The following BMP2K variants were observed in gnomAD, a reference collection of about 807,000 sequenced individuals.
The protein encoded by BMP2K is BMP-2-inducible protein kinase.
In BMP2K, 74 loss-of-function variants were observed where a neutral mutation model predicts 116.0. The observed-to-expected ratio is 0.64, with a 90% CI of 0.53 to 0.77. BMP2K has a LOEUF of 0.77. Among genes scored for constraint, BMP2K ranks in the 30% least tolerant of loss-of-function variants. The pLI is 0.00. For synonymous variants in BMP2K, 486 were observed against 502.5 expected, an observed-to-expected ratio of 0.97 and a Z score of 0.44; for missense variants, 1,365 against 1,403.6, an observed-to-expected ratio of 0.97 and a Z score of 0.44.
intron 14 of BMP2K, among the ~76,000 whole-genome samples, chr4:78,880,150 G>A (rs1577954087): frequency 1.3e-5 from 2 of 152,178 alleles, no homozygotes; most frequent in Non-Finnish European, 2.9e-5. Flanking sequence ...TCGGCTCACC[G>A]CAACCTCCGC....
At chr4:78,891,230 A>T (rs574620511) in intron 15 of BMP2K, among the ~76,000 whole-genome samples, 6 of 151,966 alleles carry the variant, frequency 3.9e-5, no homozygotes, top group African/African-American at 1.4e-4. Flanking sequence ...CTCTTTTCTG[A>T]TCCTTTATGT....
intron 1 of BMP2K, among the ~76,000 whole-genome samples, chr4:78,790,862 C>CAAT (rs1040761248): frequency 6.6e-6 from 1 of 151,880 alleles, no homozygotes; most frequent in South Asian, 2.1e-4. Flanking sequence ...GTCTAAATAA[C>CAAT]AATAATAATA....
rs779971698 is a variant in BMP2K at position 78,842,469 on chromosome 4, G to C, written c.488G>C (p.Cys163Ser). Residue 163 changes from cysteine to serine, a missense_variant, in exon 4 of 16, where the codon TGT becomes TCT. Cys to Ser is a moderately radical substitution (Grantham distance 112). This residue lies in a region of BMP2K where 762 missense variants were observed against 756.7 expected (regional missense o/e 1.01). Coordinates refer to ENST00000502613, the MANE Select transcript of BMP2K (RefSeq NM_198892.2). ...PEVLQIFCDTCEAVARLHQCK... is the reference protein window; with the variant it reads ...PEVLQIFCDTSEAVARLHQCK... ...GTGTTACAGATATTCTGTGATACCT[G>C]TGAAGCTGTTGCAAGGTTGCATCAG... is the stretch of plus-strand genomic sequence containing the variant. 3 of 1,608,874 alleles carry C rather than the reference G, an allele frequency of 1.9e-6. No homozygotes were observed. The highest frequency in any genetic ancestry group is 1.7e-4 in the Middle Eastern group (1 of 6,040).
At chr4:78,826,935 C>T (rs1729901371) in intron 2 of BMP2K, among the ~76,000 whole-genome samples, 1 of 152,114 alleles carries the variant, frequency 6.6e-6, no homozygotes, top group Non-Finnish European at 1.5e-5. Context: ...CAACTGTATC[C>T]CTGTATAGGC....
At chr4:78,886,961 G>A (rs1733127726) in intron 14 of BMP2K, among the ~76,000 whole-genome samples, 1 of 151,958 alleles carries the variant, frequency 6.6e-6, no homozygotes, top group East Asian at 1.9e-4. Flanking sequence ...AACCTATCAC[G>A]GATTATATTG....
intron 15 of BMP2K, among the ~76,000 whole-genome samples, chr4:78,907,737 C>T (rs1214859343): frequency 6.6e-6 from 1 of 152,088 alleles, no homozygotes; most frequent in Non-Finnish European, 1.5e-5. Flanking sequence ...ATTTCATAGA[C>T]TTGTTTGCTT....
intron 9 of BMP2K, among the ~76,000 whole-genome samples, chr4:78,862,812 G>A (rs1731859229): frequency 6.6e-6 from 1 of 152,076 alleles, no homozygotes; most frequent in Admixed American, 6.6e-5. Context: ...TTTGAGAAGA[G>A]GTGAAGGTGT....
rs1399175361 is a variant in BMP2K, at chr4:78,865,614, G to A, written c.1125G>A (p.Lys375=). The change falls in exon 10 of 16, where the codon AAG becomes AAA. Residue 375 remains lysine, a synonymous_variant. Coordinates refer to ENST00000502613, the MANE Select transcript of BMP2K (RefSeq NM_198892.2). The stretch of plus-strand genomic sequence containing the variant: ...CAATTGCACCAAGACAAAGACCAAA[G>A]GCCAACTCTGCTACTACTGCCACTC... ...ETSIAPRQRP[K]ANSATTATPS... 2 of 1,613,944 alleles carry A rather than the reference G, an allele frequency of 1.2e-6. No individual in the cohort carries two copies. Among genetic ancestry groups the A allele is most frequent in the African/African-American group, 2.7e-5 (2 of 74,884 alleles).
chr4:78,812,432 C>T (rs867956466), intron 1 of BMP2K, among the ~76,000 whole-genome samples: 34 of 152,292 alleles, frequency 2.2e-4, no homozygotes, highest in Middle Eastern at 3.4e-3. Flanking sequence ...GAATTCTAAT[C>T]ACCAATTTCA....
Position 78,912,700 on chromosome 4 carries a change from A to G in BMP2K, c.*667A>G, listed in dbSNP as rs1317941767. 2 of 152,214 alleles carry G rather than the reference A, an allele frequency of 1.3e-5. 1 individual carries two copies. The highest frequency in any genetic ancestry group is 3.8e-4 in the East Asian group (2 of 5,202). 9.4% of individuals were successfully genotyped at this position (152,214 alleles called of 1,614,324 possible). A position where few individuals can be genotyped will look rare whatever the true frequency, so the allele number is the denominator to read the frequency against. On this transcript the variant is annotated 3_prime_UTR_variant, in exon 16 of 16. Transcript: ENST00000502613. ...GTAATTAGCTCAATTTAACTATTCC[A>G]CAACTTACATATTCCAAAACAATGT... is the stretch of plus-strand genomic sequence containing the variant.
chr4:78,844,526 G>T (rs749038758), intron 4 of BMP2K, among the ~76,000 whole-genome samples: 2 of 151,656 alleles, frequency 1.3e-5, no homozygotes, highest in Non-Finnish European at 3.0e-5. Flanking sequence ...TATAGTAAAA[G>T]AGAGAAGCTG....
chr4:78,866,295 C>T (rs1417850734), intron 10 of BMP2K, among the ~76,000 whole-genome samples: 1 of 152,118 alleles, frequency 6.6e-6, no homozygotes, highest in Non-Finnish European at 1.5e-5. Context: ...TTATTTTTCT[C>T]AAGGATCTGG....
chr4:78,808,509 G>A (rs1004293578), intron 1 of BMP2K, among the ~76,000 whole-genome samples: 1 of 151,724 alleles, frequency 6.6e-6, no homozygotes, highest in Non-Finnish European at 1.5e-5. Flanking sequence ...CTTGTGATCC[G>A]TCCGCCTCAG....
chr4:78,867,255 A>G lies in BMP2K; in HGVS notation c.1231+1535A>G, dbSNP rs565235137. On this transcript the variant is annotated intron_variant, in intron 10 of 15. Transcript: ENST00000502613. ...CTTAATATAAATTTTGTCTAGAAAG[A>G]AGGAAGCTAAAGCCTCAGTAGCTAA... Among the ~76,000 whole-genome samples the G allele has an allele frequency of 3.3e-5, 5 of 152,294 alleles. No individual in the cohort carries two copies. The East Asian group carries it at 9.6e-4, about 29-fold the overall frequency.
At chr4:78,868,869 T>G (rs1028865663) in intron 10 of BMP2K, among the ~76,000 whole-genome samples, 5 of 152,230 alleles carry the variant, frequency 3.3e-5, no homozygotes, top group South Asian at 4.1e-4. Flanking sequence ...CTTTGCAGAG[T>G]ACAGTGTCTC....
At chr4:78,822,759 A>T (rs1729684397) in intron 1 of BMP2K, among the ~76,000 whole-genome samples, 1 of 152,150 alleles carries the variant, frequency 6.6e-6, no homozygotes, top group South Asian at 2.1e-4. Flanking sequence ...AAATTTGTGG[A>T]AAACTGAGGT....
chr4:78,783,113 A>C lies in BMP2K; in HGVS notation c.178+6392A>C, dbSNP rs115684366. ...GTGACTTTATTATATATTTGGTATC[A>C]CATTTATCCTGAATAAGTATCACAT... On this transcript the variant is annotated intron_variant, in intron 1 of 15. Coordinates refer to ENST00000502613, the MANE Select transcript of BMP2K (RefSeq NM_198892.2). Among the ~76,000 whole-genome samples, 418 of 152,320 alleles carry C rather than the reference A, an allele frequency of 2.7e-3. 3 individuals carry two copies. Among genetic ancestry groups the C allele is most frequent in the African/African-American group, 9.5e-3 (396 of 41,586 alleles).
chr4:78,904,091 GA>G (rs1344733801), intron 15 of BMP2K, among the ~76,000 whole-genome samples: 3 of 151,902 alleles, frequency 2.0e-5, no homozygotes, highest in Non-Finnish European at 4.4e-5. Flanking sequence ...CCATCAAAAG[GA>G]AAAAGTGCAA....
Position 78,865,572 on chromosome 4 carries a change from T to C in BMP2K, c.1083T>C (p.Ile361=), listed in dbSNP as rs777083586. Residue 361 remains isoleucine (I), a synonymous_variant, in exon 10 of 16, where the codon ATT becomes ATC. Coordinates refer to ENST00000502613, the MANE Select transcript of BMP2K (RefSeq NM_198892.2). ...SQIKARITDT[I]GPTETSIAPR... ...TCTGTTGTAGAATAACAGATACCAT[T>C]GGACCAACAGAAACCTCAATTGCAC... 6 of 1,613,926 alleles carry C rather than the reference T, an allele frequency of 3.7e-6. No homozygotes were observed. The African/African-American group carries it at 4.0e-5, about 11-fold the overall frequency.
Sources: gnomAD v4.1 joint callset for allele counts (sites outside exome capture counted in the v4.1 genomes callset) on GRCh38, gnomAD v4.1.1 for gene constraint, gnomAD v4.1.1 regional missense constraint, MANE v1.5 for transcripts, NCBI Gene and HGNC (gene_info 2026-07-23, HGNC 2026-07-21) for gene names.